The following UNC80 variants were observed in gnomAD, a reference collection of about 807,000 sequenced individuals.
UNC80 encodes the protein unc-80 subunit of NALCN channel complex, also known as protein unc-80 homolog.
Under a neutral mutation model 384.6 loss-of-function variants are expected in UNC80, and 164 were observed. That is an observed-to-expected ratio of 0.43 (90% CI 0.38 to 0.49). UNC80 has a LOEUF of 0.49. Among genes scored for constraint, UNC80 ranks in the 20% least tolerant of loss-of-function variants. The probability of loss-of-function intolerance (pLI) is 0.00; values close to 1 mark genes in which losing one functional copy is unlikely to be tolerated. For missense variants in UNC80, 3,330 were observed against 4,143.0 expected (o/e 0.80, Z 5.39); for synonymous variants, 1,486 against 1,527.8 (o/e 0.97, Z 0.64).
At chr2:209,851,141 TA>T (rs894886911) in intron 22 of UNC80, among the ~76,000 whole-genome samples, 22 of 147,022 alleles carry the variant, frequency 1.5e-4, no homozygotes, top group African/African-American at 3.9e-4. Flanking sequence ...ATTTACAAGT[TA>T]AAAAAAAGGA....
intron 23 of UNC80, 62 bp downstream of exon 23, chr2:209,873,032 G>C (rs1053112692): frequency 7.0e-7 from 1 of 1,428,994 alleles, no homozygotes; most frequent in Admixed American, 2.0e-5. Context: ...GTCATTTTTT[G>C]ATTGATTGTG....
At chr2:209,942,330 C>T (rs1469170522) in intron 44 of UNC80, among the ~76,000 whole-genome samples, 2 of 152,174 alleles carry the variant, frequency 1.3e-5, no homozygotes, top group Middle Eastern at 3.2e-3. Flanking sequence ...AGTTTGAGAA[C>T]TTCTGTTCTT....
At chr2:209,970,996 G>T (rs2125012063) in intron 54 of UNC80, 39 bp downstream of exon 54, 2 of 1,534,328 alleles carry the variant, frequency 1.3e-6, no homozygotes, top group Admixed American at 4.2e-5. Flanking sequence ...TCATTAAGTT[G>T]CTGGTTGAGG....
intron 23 of UNC80, among the ~76,000 whole-genome samples, chr2:209,873,333 A>G (rs2084475538): frequency 6.6e-6 from 1 of 152,190 alleles, no homozygotes; most frequent in South Asian, 2.1e-4. Context: ...TTTGAAAGTC[A>G]TTGTTATAAT....
chr2:209,797,544 G>A (rs1214755233), intron 7 of UNC80, among the ~76,000 whole-genome samples: 1 of 152,166 alleles, frequency 6.6e-6, no homozygotes. Flanking sequence ...TGGTATATAT[G>A]TACCACATTT....
At chr2:209,842,190 CT>C (rs776952810) in intron 20 of UNC80, among the ~76,000 whole-genome samples, 159 bp from the exon 21 acceptor site, 4 of 152,170 alleles carry the variant, frequency 2.6e-5, no homozygotes, top group Non-Finnish European at 5.9e-5. Flanking sequence ...TGGGAATGAA[CT>C]ACACTGATGA....
At chr2:209,971,620 C>A (rs775718238) in intron 54 of UNC80, among the ~76,000 whole-genome samples, 5 of 152,288 alleles carry the variant, frequency 3.3e-5, no homozygotes, top group South Asian at 2.1e-4. Flanking sequence ...GTTTGACAAC[C>A]AAGCTTGATG....
At position 209,839,115 on chromosome 2, in the gene UNC80, C is replaced by T; in HGVS notation, c.3042-107C>T. The T allele has an allele frequency of 5.9e-6, 6 of 1,019,562 alleles. No homozygotes were observed. The highest frequency in any genetic ancestry group is 7.2e-6 in the Non-Finnish European group (5 of 698,890). The allele number at this position is 1,019,562 out of a possible 1,614,324, so 63.2% of individuals were successfully genotyped here. ...TCCCACATTTCAGCCCATCAAAGAT[C>T]ATTTTGCATGATTTGCCTAAATATC... On this transcript the variant is annotated intron_variant, in intron 18 of 64. Coordinates refer to ENST00000673920, the MANE Select transcript of UNC80 (RefSeq NM_001371986.1). The surrounding 1 kb of genome is among the most constrained non-coding windows in gnomAD (Gnocchi z 4.1).
intron 1 of UNC80, 147 bp downstream of exon 1, chr2:209,772,311 C>T: frequency 3.2e-6 from 1 of 313,506 alleles, no homozygotes; most frequent in Non-Finnish European, 5.8e-6. Context: ...CCCTCTGCAC[C>T]AGCTTAAAAA....
At chr2:209,833,911 T>G in intron 16 of UNC80, 91 bp from the exon 17 acceptor site, 2 of 1,302,520 alleles carry the variant, frequency 1.5e-6, no homozygotes. Context: ...CATCTAAGCC[T>G]AAGGAATTAC....
Position 209,815,243 on chromosome 2 carries a change from C to G in UNC80, c.1201-14C>G, listed in dbSNP as rs1048381000. On this transcript the variant is annotated splice_polypyrimidine_tract_variant and intron_variant, in intron 8 of 64. Coordinates refer to ENST00000673920, the MANE Select transcript of UNC80 (RefSeq NM_001371986.1). ...AAAGTCCTAAGTCCTTGATCACTGT[C>G]TACCTTTATTAAGGATCTCACCATG... The G allele has an allele frequency of 2.3e-5, 35 of 1,550,786 alleles. No homozygotes were observed. In the Admixed American group the frequency reaches 6.7e-4, roughly 30 times the overall value.
At chr2:209,855,620 C>T (rs2082854194) in intron 22 of UNC80, among the ~76,000 whole-genome samples, 1 of 152,122 alleles carries the variant, frequency 6.6e-6, no homozygotes, top group Admixed American at 6.5e-5. Context: ...GAAGATACTG[C>T]TCTTCTGAAC....
At chr2:209,877,654 A>G (rs745310136) in intron 23 of UNC80, among the ~76,000 whole-genome samples, 3 of 152,216 alleles carry the variant, frequency 2.0e-5, no homozygotes, top group Non-Finnish European at 4.4e-5. Flanking sequence ...TATCATATCT[A>G]TAAAATAAAT....
chr2:209,972,815 G>C (rs1177731198), intron 55 of UNC80, among the ~76,000 whole-genome samples: 1 of 152,190 alleles, frequency 6.6e-6, no homozygotes, highest in Admixed American at 6.5e-5. Context: ...AAAGAAAGGA[G>C]ATTGAAATGG....
Position 209,904,962 on chromosome 2 carries a change from A to C in UNC80, c.4779A>C (p.Lys1593Asn). The change falls in exon 29 of 65, where the codon AAA (lysine) becomes AAC (asparagine). Residue 1593 changes from lysine to asparagine, a missense_variant. By Grantham distance (94) the Lys-to-Asn change is moderately conservative (BLOSUM62 0). Coordinates refer to ENST00000673920, the MANE Select transcript of UNC80 (RefSeq NM_001371986.1). ...SSVALRGKKQ[K>N]ECSDKSCLRT... ...TGGCTCTCCGGGGCAAGAAACAGAA[A>C]GAAGTAAGTAAATGACCATTGAATG... 2.6e-6 allele frequency: 4 copies of C among 1,551,700 alleles called. 1 individual carries two copies. The South Asian group carries it at 4.8e-5, about 18-fold the overall frequency.
chr2:209,820,738 G>A, intron 13 of UNC80, 59 bp downstream of exon 13: 1 of 1,460,412 alleles, frequency 6.8e-7, no homozygotes, highest in Non-Finnish European at 9.0e-7. Flanking sequence ...TCTTTCTAAA[G>A]CTTGCTTGCC....
chr2:209,876,039 C>G lies in UNC80; in HGVS notation c.3841-1915C>G, dbSNP rs1388666827. Among the ~76,000 whole-genome samples the G allele has an allele frequency of 2.0e-5, 3 of 152,200 alleles. No homozygotes were observed. In the East Asian group the frequency reaches 5.8e-4, roughly 29 times the overall value. ...CCCACAGCTCCCCGACCCTCTCCCT[C>G]TCTGAGCTGAATTTAATCTATCTTA... On this transcript the variant is annotated intron_variant, in intron 23 of 64. Coordinates refer to ENST00000673920, the MANE Select transcript of UNC80 (RefSeq NM_001371986.1).
chr2:209,804,302 G>A (rs2078746069), intron 7 of UNC80, among the ~76,000 whole-genome samples: 1 of 152,154 alleles, frequency 6.6e-6, no homozygotes, highest in Non-Finnish European at 1.5e-5. Context: ...ATATTGGAAG[G>A]TCCTTGATTA....
chr2:209,959,770 T>G, intron 51 of UNC80, 63 bp downstream of exon 51: 1 of 1,454,658 alleles, frequency 6.9e-7, no homozygotes, highest in African/African-American at 1.4e-5. Context: ...TCTGAATGTG[T>G]GTGTTGGGTT....
Sources: allele counts gnomAD v4.1 joint callset (sites outside exome capture counted in the v4.1 genomes callset), GRCh38; gene constraint gnomAD v4.1.1; non-coding constraint Gnocchi (gnomAD v3.1); transcripts MANE v1.5; gene names NCBI Gene and HGNC (gene_info 2026-07-23, HGNC 2026-07-21).